Variants in EXOC6B observed in about 807,000 individuals in gnomAD.
EXOC6B encodes exocyst complex component 6B, also known as SEC15 homolog B.
Under a neutral mutation model 113.5 loss-of-function variants are expected in EXOC6B, and 54 were observed. The observed-to-expected ratio is 0.48, with a 90% CI of 0.38 to 0.60. EXOC6B has a LOEUF of 0.60. Ranked by LOEUF, EXOC6B falls within the 20% of genes least tolerant of loss-of-function variation. The pLI is 0.00. For missense variants in EXOC6B, 797 were observed against 977.5 expected (o/e 0.82, Z 2.46); for synonymous variants, 357 against 339.0 (o/e 1.05, Z -0.58).
At chr2:72,509,435 C>T (rs1700778242) in intron 11 of EXOC6B, among the ~76,000 whole-genome samples, 1 of 152,028 alleles carries the variant, frequency 6.6e-6, no homozygotes, top group African/African-American at 2.4e-5. Context: ...CAATCTCATA[C>T]CCTATGCTAA....
chr2:72,822,385 ATAT>A (rs1686631855), intron 1 of EXOC6B, among the ~76,000 whole-genome samples: 1 of 152,184 alleles, frequency 6.6e-6, no homozygotes, highest in Non-Finnish European at 1.5e-5. Flanking sequence ...TTATGTGTGG[ATAT>A]GCTTGGGCCT....
intron 19 of EXOC6B, among the ~76,000 whole-genome samples, chr2:72,335,447 C>T (rs984717536): frequency 6.6e-6 from 1 of 151,968 alleles, no homozygotes; most frequent in Non-Finnish European, 1.5e-5. Flanking sequence ...TAATTTCACG[C>T]TTGTCACCTC....
chr2:72,795,197 G>C (rs1684876455), intron 1 of EXOC6B, among the ~76,000 whole-genome samples: 1 of 152,174 alleles, frequency 6.6e-6, no homozygotes, highest in Admixed American at 6.5e-5. Context: ...GGGCTAGACT[G>C]AAAAGGCCTT....
intron 20 of EXOC6B, among the ~76,000 whole-genome samples, chr2:72,294,589 G>A (rs1323278431): frequency 6.6e-6 from 1 of 152,096 alleles, no homozygotes; most frequent in African/African-American, 2.4e-5. Flanking sequence ...CAGCCTTTTA[G>A]TAGGGACACA....
intron 11 of EXOC6B, among the ~76,000 whole-genome samples, chr2:72,508,342 A>C (rs1317923894): frequency 6.6e-6 from 1 of 152,188 alleles, no homozygotes; most frequent in Non-Finnish European, 1.5e-5. Context: ...CAACCAAATT[A>C]TATCTCAATT....
chr2:72,631,624 C>T (rs1672477874), intron 6 of EXOC6B, among the ~76,000 whole-genome samples: 1 of 151,756 alleles, frequency 6.6e-6, no homozygotes, highest in Non-Finnish European at 1.5e-5. Flanking sequence ...CCTACCTCAG[C>T]CTTCCAAGTA....
chr2:72,642,169 G>C (rs534040541), intron 6 of EXOC6B, among the ~76,000 whole-genome samples: 1 of 151,908 alleles, frequency 6.6e-6, no homozygotes, highest in South Asian at 2.1e-4. Context: ...AATCAATATC[G>C]TGAAAATGGC....
At chr2:72,632,400 C>A (rs1216220857) in intron 6 of EXOC6B, among the ~76,000 whole-genome samples, 1 of 152,098 alleles carries the variant, frequency 6.6e-6, no homozygotes, top group African/African-American at 2.4e-5. Flanking sequence ...GTAGGAAGAA[C>A]CTTAGATGTG....
At chr2:72,261,137 AG>A (rs1353086668) in intron 20 of EXOC6B, among the ~76,000 whole-genome samples, 1 of 152,208 alleles carries the variant, frequency 6.6e-6, no homozygotes, top group African/African-American at 2.4e-5. Context: ...CATACCATCA[AG>A]TCAGATGAAG....
At chr2:72,598,225 T>C (rs951014233) in intron 6 of EXOC6B, among the ~76,000 whole-genome samples, 4 of 151,744 alleles carry the variant, frequency 2.6e-5, no homozygotes, top group Admixed American at 1.3e-4. Flanking sequence ...TCAAAAGAAG[T>C]ACCCACTCAG....
chr2:72,444,146 A>G (rs919140491), intron 18 of EXOC6B, among the ~76,000 whole-genome samples: 4 of 152,250 alleles, frequency 2.6e-5, no homozygotes, highest in Non-Finnish European at 5.9e-5. Flanking sequence ...GAAACTGGCC[A>G]AAACAAAGGG....
At chr2:72,690,820 T>A (rs975741372) in intron 6 of EXOC6B, among the ~76,000 whole-genome samples, 1 of 152,212 alleles carries the variant, frequency 6.6e-6, no homozygotes, top group Non-Finnish European at 1.5e-5. Flanking sequence ...TTCTGTGGCT[T>A]AAATTGTGTC....
chr2:72,270,278 C>T (rs1684403534), intron 20 of EXOC6B, among the ~76,000 whole-genome samples: 1 of 152,084 alleles, frequency 6.6e-6, no homozygotes, highest in Admixed American at 6.6e-5. Context: ...GGTTTTCATT[C>T]TAAGAAGCCT....
At chr2:72,582,133 T>C (rs1357939352) in intron 6 of EXOC6B, among the ~76,000 whole-genome samples, 2 of 152,100 alleles carry the variant, frequency 1.3e-5, no homozygotes, top group African/African-American at 2.4e-5. Context: ...TCGGTAGTTA[T>C]AGGCCTTAGG....
At position 72,335,939 on chromosome 2, in the gene EXOC6B, A is replaced by G. The variant is rs560090948; in HGVS notation, c.2123-919T>C. On this transcript the variant is annotated intron_variant, in intron 19 of 21. Coordinates refer to ENST00000272427, the MANE Select transcript of EXOC6B (RefSeq NM_015189.3). ...GCTGTACAGGGATATAAGGACAAAAACTAGTAACAGTTAAGAATGTCAAAT... is the reference window on the plus strand; with the variant it reads ...GCTGTACAGGGATATAAGGACAAAAGCTAGTAACAGTTAAGAATGTCAAAT... Among the ~76,000 whole-genome samples, 19 of 152,204 alleles carry G rather than the reference A, an allele frequency of 1.2e-4. No individual in the cohort carries two copies. In the East Asian group the frequency reaches 3.1e-3, roughly 25 times the overall value.
intron 1 of EXOC6B, among the ~76,000 whole-genome samples, chr2:72,818,722 C>A (rs1312481187): frequency 6.6e-6 from 1 of 152,182 alleles, no homozygotes; most frequent in African/African-American, 2.4e-5. Flanking sequence ...AAATCAAAGT[C>A]TCTTTCTTAG....
At chr2:72,254,782 G>A (rs1006407664) in intron 20 of EXOC6B, among the ~76,000 whole-genome samples, 4 of 152,102 alleles carry the variant, frequency 2.6e-5, no homozygotes, top group African/African-American at 4.8e-5. Flanking sequence ...CAGAAAACTC[G>A]GCTGAATTAT....
chr2:72,382,074 C>G (rs934800486), intron 18 of EXOC6B, among the ~76,000 whole-genome samples: 3 of 152,078 alleles, frequency 2.0e-5, no homozygotes, highest in Admixed American at 6.6e-5. Context: ...ATTTAGAGAT[C>G]AAGTGGAACA....
chr2:72,653,519 C>T (rs1242213239), intron 6 of EXOC6B, among the ~76,000 whole-genome samples: 3 of 149,010 alleles, frequency 2.0e-5, no homozygotes, highest in Non-Finnish European at 4.5e-5. Flanking sequence ...AACTAACCTG[C>T]ACATTGTGCA....
Sources: allele counts gnomAD v4.1 joint callset (sites outside exome capture counted in the v4.1 genomes callset), GRCh38; gene constraint gnomAD v4.1.1; transcripts MANE v1.5; gene names NCBI Gene and HGNC (gene_info 2026-07-23, HGNC 2026-07-21).